The following MTPN variants were observed in gnomAD, a reference collection of about 807,000 sequenced individuals.
MTPN encodes granule cell differentiation protein.
MTPN carries 2 observed loss-of-function variants against 13.5 expected under a neutral mutation model. That is an observed-to-expected ratio of 0.15 (90% CI 0.06 to 0.47). The LOEUF (loss-of-function observed/expected upper bound fraction) is 0.47. MTPN is among the 20% of genes least tolerant of loss of function. The pLI, the probability that MTPN is intolerant of heterozygous loss-of-function variation, is 0.97. For missense variants in MTPN, 79 were observed against 137.9 expected (o/e 0.57, Z 2.14); for synonymous variants, 46 against 51.7 (o/e 0.89, Z 0.48).
chr7:135,941,346 C>T (rs954274205), intron 3 of MTPN, among the ~76,000 whole-genome samples: 1 of 106,724 alleles, frequency 9.4e-6, no homozygotes, highest in South Asian at 2.9e-4. Flanking sequence ...ACTTCATTGC[C>T]AAGCTCCTCT....
chr7:135,970,708 T>A (rs77781019), intron 1 of MTPN, among the ~76,000 whole-genome samples: 1,781 of 152,234 alleles, frequency 0.012, 34 homozygotes, highest in African/African-American at 0.041. Context: ...CCTATGTACA[T>A]CTGAATGAAC....
chr7:135,953,350 G>A (rs1799393477), intron 1 of MTPN, among the ~76,000 whole-genome samples: 1 of 152,108 alleles, frequency 6.6e-6, no homozygotes, highest in Non-Finnish European at 1.5e-5. Context: ...AATTCCTTGG[G>A]AGTAGAAATT....
intron 1 of MTPN, among the ~76,000 whole-genome samples, chr7:135,968,421 G>T (rs1431266419): frequency 1.3e-5 from 2 of 150,136 alleles, no homozygotes; most frequent in East Asian, 2.0e-4. Flanking sequence ...CTTTACACTG[G>T]TAATTTTCTG....
At chr7:135,968,284 C>T (rs186912061) in intron 1 of MTPN, among the ~76,000 whole-genome samples, 8 of 152,152 alleles carry the variant, frequency 5.3e-5, no homozygotes, top group East Asian at 3.9e-4. Flanking sequence ...CTCAAGGTTA[C>T]GCTTATACAT....
At chr7:135,948,461 A>G (rs1348516287) in intron 3 of MTPN, among the ~76,000 whole-genome samples, 1 of 151,774 alleles carries the variant, frequency 6.6e-6, no homozygotes, top group East Asian at 1.9e-4. Flanking sequence ...CATAAGCAAA[A>G]GAAAAAACAA....
At chr7:135,976,942 T>TCC in intron 1 of MTPN, 87 bp downstream of exon 1, 2 of 368,376 alleles carry the variant, frequency 5.4e-6, no homozygotes, top group South Asian at 2.1e-5. Flanking sequence ...CCCACCCCCA[T>TCC]CCCCGCAGTC....
At chr7:135,936,588 A>C (rs1799117709) in intron 3 of MTPN, among the ~76,000 whole-genome samples, 1 of 152,254 alleles carries the variant, frequency 6.6e-6, no homozygotes, top group South Asian at 2.1e-4. Flanking sequence ...ACTGCTGTGA[A>C]TATATCAACA....
At chr7:135,945,410 G>A (rs1241350943) in intron 3 of MTPN, among the ~76,000 whole-genome samples, 1 of 152,068 alleles carries the variant, frequency 6.6e-6, no homozygotes, top group Non-Finnish European at 1.5e-5. Context: ...TAAAACACAA[G>A]TACACTGCAC....
intron 1 of MTPN, among the ~76,000 whole-genome samples, chr7:135,956,418 G>A (rs34363452): frequency 0.014 from 2,077 of 152,206 alleles, 23 homozygotes; most frequent in African/African-American, 0.028. Context: ...ATATTAACAC[G>A]TTCCTTAGCT....
At chr7:135,957,712 GC>G (rs1300184326) in intron 1 of MTPN, among the ~76,000 whole-genome samples, 5 of 152,158 alleles carry the variant, frequency 3.3e-5, no homozygotes, top group Non-Finnish European at 7.3e-5. Context: ...GGTCATGGGA[GC>G]GGGATCTCTG....
intron 1 of MTPN, among the ~76,000 whole-genome samples, chr7:135,973,053 A>C (rs748166817): frequency 4.6e-5 from 7 of 150,732 alleles, no homozygotes; most frequent in Non-Finnish European, 1.0e-4. Flanking sequence ...CATACCAATG[A>C]GGAGCTGGCC....
chr7:135,976,943 C>CCA, intron 1 of MTPN, 86 bp downstream of exon 1: 2 of 498,460 alleles, frequency 4.0e-6, no homozygotes, highest in South Asian at 1.5e-5. Flanking sequence ...CCACCCCCAT[C>CCA]CCCGCAGTCC....
chr7:135,961,225 A>G (rs906524463), intron 1 of MTPN, among the ~76,000 whole-genome samples: 1 of 152,128 alleles, frequency 6.6e-6, no homozygotes, highest in Non-Finnish European at 1.5e-5. Context: ...ATACATAACC[A>G]GAACAGGAAC....
intron 1 of MTPN, among the ~76,000 whole-genome samples, chr7:135,955,853 AAC>A (rs1799436812): frequency 2.7e-5 from 4 of 150,036 alleles, no homozygotes; most frequent in Admixed American, 6.6e-5. Context: ...AAAAAAAAAA[AAC>A]CCAATATGCA....
At position 135,944,031 on chromosome 7, in the gene MTPN, C is replaced by T. The variant is rs144950551; in HGVS notation, c.270+6568G>A. The stretch of plus-strand genomic sequence containing the variant: ...CTTTTTCTATTTATTTATAAGAATT[C>T]GTATTTCTATAGGCGATTGAGAGGT... On this transcript the variant is annotated intron_variant, in intron 3 of 3. Transcript: ENST00000393085. Among the ~76,000 whole-genome samples, 184 of 152,132 alleles carry T rather than the reference C, an allele frequency of 1.2e-3. 1 individual carries two copies. The highest frequency in any genetic ancestry group is 4.1e-3 in the African/African-American group (171 of 41,500).
intron 3 of MTPN, among the ~76,000 whole-genome samples, chr7:135,936,214 G>C (rs909893412): frequency 3.3e-5 from 5 of 152,260 alleles, no homozygotes; most frequent in African/African-American, 9.6e-5. Flanking sequence ...GCCGGGCACA[G>C]TGGCTCACGC....
intron 1 of MTPN, among the ~76,000 whole-genome samples, chr7:135,969,088 TGG>T (rs71174565): frequency 3.9e-3 from 130 of 33,616 alleles, no homozygotes; most frequent in South Asian, 6.6e-3. Flanking sequence ...TGTTGTGGGG[TGG>T]GGGGGGGGGA....
chr7:135,965,436 A>C (rs1250024345), intron 1 of MTPN, among the ~76,000 whole-genome samples: 2 of 152,102 alleles, frequency 1.3e-5, no homozygotes, highest in African/African-American at 4.8e-5. Context: ...ATAATAAATA[A>C]TAAAAAATAT....
At chr7:135,940,361 ATTT>A (rs1799190312) in intron 3 of MTPN, among the ~76,000 whole-genome samples, 1 of 152,136 alleles carries the variant, frequency 6.6e-6, no homozygotes, top group Admixed American at 6.6e-5. Flanking sequence ...AGCACATTTA[ATTT>A]CATATTTAAT....
Sources: allele counts gnomAD v4.1 joint callset (sites outside exome capture counted in the v4.1 genomes callset), GRCh38; gene constraint gnomAD v4.1.1; transcripts MANE v1.5; gene names NCBI Gene and HGNC (gene_info 2026-07-23, HGNC 2026-07-21).